The following STX2 variants were observed in gnomAD, a reference collection of about 807,000 sequenced individuals.
STX2 encodes syntaxin-2.
A neutral mutation model predicts 40.6 loss-of-function variants in STX2; 27 were observed. That is an observed-to-expected ratio of 0.66 (90% confidence interval 0.49 to 0.92). STX2 has a LOEUF of 0.92. Ranked by LOEUF, STX2 falls within the 40% of genes least tolerant of loss-of-function variation. The pLI, the probability that STX2 is intolerant of heterozygous loss-of-function variation, is 0.00. For synonymous variants in STX2, 123 were observed against 119.1 expected, an observed-to-expected ratio of 1.03 and a Z score of -0.22; for missense variants, 328 against 366.1, an observed-to-expected ratio of 0.90 and a Z score of 0.85.
At position 130,796,267 on chromosome 12, in the gene STX2, A is replaced by T; in HGVS notation, c.787-147T>A. The T allele has an allele frequency of 5.5e-6, 5 of 905,348 alleles. No individual in the cohort carries two copies. The Admixed American group carries it at 8.6e-5, about 15-fold the overall frequency. 56.1% of individuals were successfully genotyped at this position (905,348 alleles called of 1,614,324 possible). ...TCAGCACTTTGGGAGTCCGAGGCGG[A>T]TGGATCACCTGAGGTCAGGAGTTTG... On this transcript the variant is annotated intron_variant, in intron 9 of 10. Coordinates refer to ENST00000392373, the MANE Select transcript of STX2 (RefSeq NM_194356.4).
Position 130,838,915 on chromosome 12 carries a change from C to T in STX2, c.30+155G>A, listed in dbSNP as rs1952829037. Among the ~76,000 whole-genome samples the T allele has an allele frequency of 2.0e-5, 3 of 151,722 alleles. No homozygotes were observed. The South Asian group carries it at 6.2e-4, about 32-fold the overall frequency. On this transcript the variant is annotated intron_variant, in intron 1 of 10. Coordinates refer to ENST00000392373, the MANE Select transcript of STX2 (RefSeq NM_194356.4). ...CCACCAGCAGTCCCCGCTCAGGACT[C>T]CCTGAGACCCTGCCCGCAGCCCCCG...
At chr12:130,812,436 T>A (rs1366074696) in intron 4 of STX2, 4 of 428,762 alleles carry the variant, frequency 9.3e-6, no homozygotes, top group South Asian at 5.0e-5. Context: ...TCTGCACACA[T>A]CTGAAACCTG....
intron 10 of STX2, among the ~76,000 whole-genome samples, chr12:130,793,499 G>A (rs776102496): frequency 7.2e-5 from 11 of 152,216 alleles, no homozygotes; most frequent in Non-Finnish European, 1.2e-4. Flanking sequence ...TGCCTGCCAC[G>A]TGTCTGGGTG....
rs1159483509 is a variant in STX2, at chr12:130,811,640, C to T, written c.280+1317G>A. On this transcript the variant is annotated intron_variant, in intron 4 of 10. Coordinates refer to ENST00000392373, the MANE Select transcript of STX2 (RefSeq NM_194356.4). ...CTGCAAGCTCTGCCTCCTGGGTTCA[C>T]GCCATTCTCCTGCCTCAGCCTCCTG... Among the ~76,000 whole-genome samples, 26 of 147,834 alleles carry T rather than the reference C, an allele frequency of 1.8e-4. No homozygotes were observed. The East Asian group carries it at 4.1e-3, about 23-fold the overall frequency.
intron 9 of STX2, among the ~76,000 whole-genome samples, chr12:130,796,662 G>A (rs909497761): frequency 3.9e-5 from 6 of 152,160 alleles, no homozygotes; most frequent in African/African-American, 7.2e-5. Flanking sequence ...CATGGGGACA[G>A]CACGACCAAG....
At chr12:130,839,041 C>G (rs1186908713) in intron 1 of STX2, 29 bp downstream of exon 1, 1 of 1,350,570 alleles carries the variant, frequency 7.4e-7, no homozygotes, top group Non-Finnish European at 9.5e-7. Context: ...CCGGCCGGGC[C>G]TGAACCGCTA....
chr12:130,798,739 T>C (rs1951116112), intron 8 of STX2, 104 bp from the exon 9 acceptor site: 2 of 753,102 alleles, frequency 2.7e-6, no homozygotes, highest in Admixed American at 3.3e-5. Context: ...ACGATGTGCA[T>C]GTAATGGATA....
intron 8 of STX2, among the ~76,000 whole-genome samples, chr12:130,800,521 G>C (rs924472629): frequency 2.0e-5 from 3 of 152,200 alleles, no homozygotes; most frequent in African/African-American, 4.8e-5. Context: ...TGTGTTACTG[G>C]GCAGATGGGA....
intron 10 of STX2, among the ~76,000 whole-genome samples, chr12:130,794,598 G>A (rs573177072): frequency 6.6e-6 from 1 of 152,322 alleles, no homozygotes; most frequent in African/African-American, 2.4e-5. Context: ...CCAGGCTCAG[G>A]TGATCCTCCT....
intron 4 of STX2, among the ~76,000 whole-genome samples, chr12:130,811,641 G>A (rs865792803): frequency 1.4e-4 from 20 of 143,444 alleles, no homozygotes; most frequent in Middle Eastern, 3.9e-3. Context: ...CTGGGTTCAC[G>A]CCATTCTCCT....
chr12:130,814,854 C>G (rs1951801252), intron 3 of STX2, among the ~76,000 whole-genome samples: 1 of 152,014 alleles, frequency 6.6e-6, no homozygotes, highest in Non-Finnish European at 1.5e-5. Context: ...CCAGGCTGGT[C>G]TTGAGCTCCT....
intron 6 of STX2, among the ~76,000 whole-genome samples, chr12:130,806,609 C>T (rs1951443551): frequency 6.6e-6 from 1 of 152,168 alleles, no homozygotes; most frequent in African/African-American, 2.4e-5. Context: ...GAGTCTGGGG[C>T]AATAGGGCCG....
intron 1 of STX2, among the ~76,000 whole-genome samples, chr12:130,833,997 T>A (rs1952670071): frequency 6.6e-6 from 1 of 152,124 alleles, no homozygotes; most frequent in Admixed American, 6.5e-5. Flanking sequence ...TGCATCTGTG[T>A]CCAGAATGCC....
At chr12:130,811,414 A>T (rs1951648227) in intron 4 of STX2, among the ~76,000 whole-genome samples, 1 of 151,570 alleles carries the variant, frequency 6.6e-6, no homozygotes, top group South Asian at 2.1e-4. Context: ...TGAATTATGG[A>T]TCTTGGAAAT....
intron 8 of STX2, among the ~76,000 whole-genome samples, chr12:130,800,248 G>A (rs994915321): frequency 2.6e-5 from 4 of 151,482 alleles, no homozygotes; most frequent in African/African-American, 4.9e-5. Flanking sequence ...GATCCATCCC[G>A]TACTTTACAT....
intron 1 of STX2, among the ~76,000 whole-genome samples, chr12:130,836,522 C>T (rs1952761149): frequency 1.3e-5 from 2 of 152,202 alleles, no homozygotes; most frequent in South Asian, 4.1e-4. Context: ...GATCTGCCCA[C>T]CTCAGCCTCC....
chr12:130,818,185 A>AAATATATATATATATATATATATATATAT, intron 3 of STX2, among the ~76,000 whole-genome samples: 1 of 70,586 alleles, frequency 1.4e-5, no homozygotes, highest in African/African-American at 1.2e-4. Context: ...AAAAAAAAAA[A>AAATATATATATATATATATATATATATAT]ATATATATAT....
chr12:130,829,785 C>T (rs570913265), intron 1 of STX2, among the ~76,000 whole-genome samples: 2 of 152,218 alleles, frequency 1.3e-5, no homozygotes, highest in South Asian at 2.1e-4. Context: ...GAAGCATCAC[C>T]GCTTTAAGTC....
At chr12:130,835,267 C>T (rs774488828) in intron 1 of STX2, among the ~76,000 whole-genome samples, 2 of 151,906 alleles carry the variant, frequency 1.3e-5, no homozygotes, top group South Asian at 2.1e-4. Context: ...CCAGCCTGGG[C>T]GACACAGTGA....
Sources: allele counts gnomAD v4.1 joint callset (sites outside exome capture counted in the v4.1 genomes callset), GRCh38; gene constraint gnomAD v4.1.1; transcripts MANE v1.5; gene names NCBI Gene and HGNC (gene_info 2026-07-23, HGNC 2026-07-21).